CHST11: variants seen among roughly 807,000 people sequenced by gnomAD.
CHST11 encodes the protein C4S-1.
CHST11 carries 9 observed loss-of-function variants against 30.4 expected under a neutral mutation model. That is an observed-to-expected ratio of 0.30 (90% CI 0.18 to 0.52). CHST11 has a LOEUF of 0.52. CHST11 is among the 20% of genes least tolerant of loss of function. The pLI, the probability that CHST11 is intolerant of heterozygous loss-of-function variation, is 0.97. For synonymous variants in CHST11, 152 were observed against 187.8 expected (o/e 0.81, Z 1.56); for missense variants, 348 against 460.6 (o/e 0.76, Z 2.24).
chr12:104,542,926 C>T (rs2038299481), intron 1 of CHST11, among the ~76,000 whole-genome samples: 1 of 152,140 alleles, frequency 6.6e-6, no homozygotes, highest in Non-Finnish European at 1.5e-5. Context: ...CATCCTCATG[C>T]CGAAGGGGTG....
chr12:104,617,174 G>A (rs1171239874), intron 2 of CHST11, among the ~76,000 whole-genome samples: 1 of 152,132 alleles, frequency 6.6e-6, no homozygotes, highest in African/African-American at 2.4e-5. Context: ...AGAGGTCACC[G>A]CAGTACCTGT....
At chr12:104,749,520 A>C (rs531134347) in intron 2 of CHST11, among the ~76,000 whole-genome samples, 2 of 152,384 alleles carry the variant, frequency 1.3e-5, no homozygotes, top group Admixed American at 1.3e-4. Context: ...TTGATCTCAC[A>C]GCTCAGATAA....
At chr12:104,609,866 C>T (rs2039041276) in intron 2 of CHST11, among the ~76,000 whole-genome samples, 1 of 152,140 alleles carries the variant, frequency 6.6e-6, no homozygotes, top group Non-Finnish European at 1.5e-5. Flanking sequence ...AGACATTTTG[C>T]ACATGCACAT....
chr12:104,554,239 G>A (rs2038433136), intron 1 of CHST11, among the ~76,000 whole-genome samples: 7 of 152,108 alleles, frequency 4.6e-5, no homozygotes, highest in Admixed American at 4.6e-4. Flanking sequence ...GGATTTGGGG[G>A]TTACTGGGGT....
Position 104,757,981 on chromosome 12 carries a change from G to A in CHST11, c.*178G>A, listed in dbSNP as rs897893301. The A allele has an allele frequency of 5.8e-6, 4 of 690,208 alleles. No homozygotes were observed. Among genetic ancestry groups the A allele is most frequent in the East Asian group, 5.6e-5 (2 of 35,980 alleles). 42.8% of individuals were successfully genotyped at this position (690,208 alleles called of 1,614,324 possible). On this transcript the variant is annotated 3_prime_UTR_variant, in exon 3 of 3. Coordinates refer to ENST00000303694, the MANE Select transcript of CHST11 (RefSeq NM_018413.6). This position sits in a 1 kb window ranked among gnomAD's most constrained non-coding sequence, Gnocchi z 6.5. Reference sequence around the variant, plus strand: ...AGGGAAGGACAGCTGTCTTTGCAGGGGAAATAGGATGGGTCGTCCTTGTCT... The same window carrying A: ...AGGGAAGGACAGCTGTCTTTGCAGGAGAAATAGGATGGGTCGTCCTTGTCT...
intron 1 of CHST11, among the ~76,000 whole-genome samples, chr12:104,588,067 C>T (rs2136037219): frequency 1.3e-5 from 2 of 152,058 alleles, no homozygotes; most frequent in South Asian, 4.1e-4. Flanking sequence ...TTAAACATCT[C>T]TATACTTATT....
chr12:104,638,941 C>T lies in CHST11; in HGVS notation c.204+36950C>T, dbSNP rs557712465. ...TGGCAGGCACAGATCCCAAAAGCTG[C>T]GCATGTGGCTTTTCTCCTGGCACTT... On this transcript the variant is annotated intron_variant, in intron 2 of 2. Transcript: ENST00000303694. Among the ~76,000 whole-genome samples, 9 of 152,300 alleles carry T rather than the reference C, an allele frequency of 5.9e-5. No individual in the cohort carries two copies. In the South Asian group the frequency reaches 1.7e-3, roughly 28 times the overall value.
At chr12:104,652,506 C>T (rs1376625383) in intron 2 of CHST11, among the ~76,000 whole-genome samples, 2 of 152,210 alleles carry the variant, frequency 1.3e-5, no homozygotes, top group African/African-American at 4.8e-5. Context: ...CAAATGATCA[C>T]TGATGTGTAT....
At chr12:104,527,812 G>A (rs1490710825) in intron 1 of CHST11, among the ~76,000 whole-genome samples, 1 of 152,218 alleles carries the variant, frequency 6.6e-6, no homozygotes, top group Non-Finnish European at 1.5e-5. Flanking sequence ...GTTCTGCATG[G>A]CTGGGAGAGC....
intron 2 of CHST11, among the ~76,000 whole-genome samples, chr12:104,654,668 C>T (rs553522373): frequency 2.0e-5 from 3 of 152,182 alleles, no homozygotes; most frequent in East Asian, 1.9e-4. Flanking sequence ...CCAGAGACTT[C>T]GGCCTGTCCA....
chr12:104,584,926 A>C (rs2038787221), intron 1 of CHST11, among the ~76,000 whole-genome samples: 1 of 152,226 alleles, frequency 6.6e-6, no homozygotes, highest in South Asian at 2.1e-4. Flanking sequence ...AAACATCATC[A>C]TGGCTCCAGT....
At chr12:104,521,668 A>G (rs2038075107) in intron 1 of CHST11, among the ~76,000 whole-genome samples, 3 of 152,140 alleles carry the variant, frequency 2.0e-5, no homozygotes, top group Non-Finnish European at 4.4e-5. Flanking sequence ...TGAGGGCTGG[A>G]TGGAGGTGTC....
At chr12:104,477,951 G>A (rs1839805773) in intron 1 of CHST11, among the ~76,000 whole-genome samples, 2 of 152,108 alleles carry the variant, frequency 1.3e-5, no homozygotes, top group African/African-American at 2.4e-5. Context: ...TAGTGAGAAG[G>A]TCTAAGAGCT....
intron 1 of CHST11, among the ~76,000 whole-genome samples, chr12:104,538,439 C>T (rs568659199): frequency 7.2e-5 from 11 of 152,244 alleles, no homozygotes; most frequent in Admixed American, 2.0e-4. Flanking sequence ...AAGTAGTGTT[C>T]GTTGAGTTTT....
At chr12:104,717,509 C>G (rs1461508123) in intron 2 of CHST11, among the ~76,000 whole-genome samples, 1 of 152,136 alleles carries the variant, frequency 6.6e-6, no homozygotes, top group Non-Finnish European at 1.5e-5. Flanking sequence ...CGCTGTGGCT[C>G]ACACCTGTAA....
intron 2 of CHST11, among the ~76,000 whole-genome samples, chr12:104,684,702 C>A (rs916621827): frequency 2.6e-5 from 4 of 152,166 alleles, no homozygotes; most frequent in African/African-American, 7.2e-5. Flanking sequence ...CATGCACTAC[C>A]ATGCCTGGCT....
intron 1 of CHST11, among the ~76,000 whole-genome samples, chr12:104,480,997 G>A (rs976147970): frequency 1.3e-5 from 2 of 152,214 alleles, no homozygotes; most frequent in African/African-American, 4.8e-5. Context: ...TGGAGTCAGG[G>A]GATGTGGCTT....
At position 104,757,442 on chromosome 12, in the gene CHST11, A is replaced by T; in HGVS notation, c.698A>T (p.Asp233Val). The change falls in exon 3 of 3, where the codon GAC becomes GTC. Residue 233 changes from aspartate to valine, a missense_variant. Transcript: ENST00000303694. The surrounding 1 kb of genome is among the most constrained non-coding windows in gnomAD (Gnocchi z 6.5). Reference protein sequence around the residue: ...NATQEALRKGDDVKFEEFVAY... With the variant: ...NATQEALRKGVDVKFEEFVAY... The stretch of plus-strand genomic sequence containing the variant: ...ACCCAGGAGGCCCTGCGCAAAGGGG[A>T]CGATGTCAAATTCGAGGAGTTTGTG... 6.2e-7 allele frequency: 1 copy of T among 1,614,000 alleles called. No homozygotes were observed. Among genetic ancestry groups the T allele is most frequent in the Non-Finnish European group, 8.5e-7 (1 of 1,180,014 alleles).
intron 2 of CHST11, among the ~76,000 whole-genome samples, chr12:104,677,147 T>C (rs11112161): frequency 0.031 from 4,709 of 152,334 alleles, 155 homozygotes; most frequent in East Asian, 0.2. Context: ...CTGGTCCTAA[T>C]TGGCTCTCAA....
Sources: allele counts gnomAD v4.1 joint callset (sites outside exome capture counted in the v4.1 genomes callset), GRCh38; gene constraint gnomAD v4.1.1; non-coding constraint Gnocchi (gnomAD v3.1); transcripts MANE v1.5; gene names NCBI Gene and HGNC (gene_info 2026-07-23, HGNC 2026-07-21).